The following SORCS3 variants were observed in gnomAD, a reference collection of about 807,000 sequenced individuals.
SORCS3 encodes the protein VPS10 domain-containing receptor SorCS3.
Under a neutral mutation model 146.3 loss-of-function variants are expected in SORCS3, and 57 were observed. That is an observed-to-expected ratio of 0.39 (90% CI 0.31 to 0.49). The LOEUF (loss-of-function observed/expected upper bound fraction) is 0.49. Ranked by LOEUF, SORCS3 falls within the 20% of genes least tolerant of loss-of-function variation. SORCS3 has a pLI of 0.92. For missense variants in SORCS3, 1,341 were observed against 1,575.5 expected, an observed-to-expected ratio of 0.85 and a Z score of 2.52; for synonymous variants, 653 against 618.5, an observed-to-expected ratio of 1.06 and a Z score of -0.83.
At chr10:104,923,448 G>T (rs58736483) in intron 3 of SORCS3, among the ~76,000 whole-genome samples, 1 of 152,294 alleles carries the variant, frequency 6.6e-6, no homozygotes, top group East Asian at 1.9e-4. Flanking sequence ...TGGTCAAAAG[G>T]TGGGTCCCTG....
chr10:104,884,899 CCTGGACTAGTTATT>C (rs1180970122), intron 2 of SORCS3, among the ~76,000 whole-genome samples: 1 of 151,936 alleles, frequency 6.6e-6, no homozygotes, highest in Non-Finnish European at 1.5e-5. Flanking sequence ...TCCTAGTGGA[CCTGGACTAGTTATT>C]CTGCCCAGAG....
In SORCS3 at chr10:104,696,493, T is replaced by TAATATAG. The variant is rs1229175625; in HGVS notation, c.627+54545_627+54546insGAATATA. On this transcript the variant is annotated intron_variant, in intron 1 of 26. Coordinates refer to ENST00000369701, the MANE Select transcript of SORCS3 (RefSeq NM_014978.3). Reference sequence around the variant, plus strand: ...TATAGAATATAGAATATATAATATATAATATATATAATATATAATATATAA... The same window carrying TAATATAG: ...TATAGAATATAGAATATATAATATATAATATAGAATATATATAATATATAATATATAA... Among the ~76,000 whole-genome samples, 40 of 55,620 alleles carry TAATATAG rather than the reference T, an allele frequency of 7.2e-4. 1 individual carries two copies. Among genetic ancestry groups the TAATATAG allele is most frequent in the Non-Finnish European group, 1.1e-3 (33 of 29,642 alleles). The allele number at this position is 55,620 out of a possible 152,430, so 36.5% of individuals were successfully genotyped here. A position where few individuals can be genotyped will look rare whatever the true frequency, so the allele number is the denominator to read the frequency against.
intron 5 of SORCS3, among the ~76,000 whole-genome samples, chr10:105,052,280 T>C (rs574620170): frequency 6.6e-6 from 1 of 152,234 alleles, no homozygotes; most frequent in South Asian, 2.1e-4. Context: ...TAATCCAGTG[T>C]AGCAAAAATT....
intron 3 of SORCS3, among the ~76,000 whole-genome samples, chr10:104,919,684 C>T (rs928262357): frequency 2.0e-5 from 3 of 151,398 alleles, no homozygotes; most frequent in Admixed American, 1.3e-4. Flanking sequence ...AGTGAAACTC[C>T]GTCTGAAGAA....
At chr10:105,131,003 G>A (rs1055424081) in intron 7 of SORCS3, among the ~76,000 whole-genome samples, 7 of 152,094 alleles carry the variant, frequency 4.6e-5, no homozygotes, top group South Asian at 2.1e-4. Context: ...ATTCATCCAC[G>A]CATAAGACTC....
chr10:105,204,368 A>G (rs955652564), intron 16 of SORCS3, among the ~76,000 whole-genome samples: 4 of 152,166 alleles, frequency 2.6e-5, no homozygotes, highest in Non-Finnish European at 2.9e-5. Flanking sequence ...TCAGAAAAAA[A>G]TAAAGTTTCC....
intron 1 of SORCS3, among the ~76,000 whole-genome samples, chr10:104,667,284 TCTC>T (rs2015792233): frequency 1.3e-5 from 2 of 151,864 alleles, no homozygotes; most frequent in African/African-American, 2.4e-5. Flanking sequence ...CCAATACCCT[TCTC>T]CTCAGCTGCT....
At chr10:105,209,648 C>T (rs1589689774) in intron 16 of SORCS3, among the ~76,000 whole-genome samples, 1 of 152,054 alleles carries the variant, frequency 6.6e-6, no homozygotes, top group Non-Finnish European at 1.5e-5. Flanking sequence ...GCAGTGATGG[C>T]CTTCTATGAC....
At chr10:105,257,232 A>G (rs1430780937) in intron 25 of SORCS3, among the ~76,000 whole-genome samples, 1 of 152,206 alleles carries the variant, frequency 6.6e-6, no homozygotes, top group Admixed American at 6.5e-5. Flanking sequence ...CTTCTAAAGT[A>G]AGGTCTTATA....
chr10:105,158,960 C>G lies in SORCS3; in HGVS notation c.1698C>G (p.Ser566Arg). 6.2e-7 allele frequency: 1 copy of G among 1,613,082 alleles called. No individual in the cohort carries two copies. ...CATATTCCTCAGGAAGAATCTCTAG[C>G]AAGGAGACAGCCCCAGGACTTGTGG... ...ENPYSSGRIS[S>R]KETAPGLVVA... Residue 566 changes from serine to arginine, a missense_variant, in exon 11 of 27, where the codon AGC (serine) becomes AGG (arginine). Coordinates refer to ENST00000369701, the MANE Select transcript of SORCS3 (RefSeq NM_014978.3).
intron 5 of SORCS3, among the ~76,000 whole-genome samples, chr10:105,085,051 G>A (rs2055651187): frequency 6.6e-6 from 1 of 152,164 alleles, no homozygotes; most frequent in Non-Finnish European, 1.5e-5. Flanking sequence ...TCTTAACTGG[G>A]TGTGATTCTG....
At chr10:105,143,615 A>T (rs2056110257) in intron 8 of SORCS3, among the ~76,000 whole-genome samples, 1 of 152,176 alleles carries the variant, frequency 6.6e-6, no homozygotes, top group Non-Finnish European at 1.5e-5. Context: ...TACTCTGGTG[A>T]GTATTAGAGA....
chr10:104,964,697 A>AT (rs1314275545), intron 3 of SORCS3, among the ~76,000 whole-genome samples: 1 of 152,090 alleles, frequency 6.6e-6, no homozygotes, highest in South Asian at 2.1e-4. Context: ...TTTTATATTT[A>AT]TTTTTTACTT....
chr10:105,207,991 A>G (rs2056613077), intron 16 of SORCS3, among the ~76,000 whole-genome samples: 2 of 152,176 alleles, frequency 1.3e-5, no homozygotes, highest in South Asian at 4.1e-4. Flanking sequence ...AGAATTTTTG[A>G]TAAGTAGTAA....
chr10:104,650,386 T>C (rs916535451), intron 1 of SORCS3, among the ~76,000 whole-genome samples: 5 of 152,148 alleles, frequency 3.3e-5, no homozygotes, highest in Admixed American at 2.0e-4. Flanking sequence ...GTAAGTGAAT[T>C]GTGTAGGGGT....
At chr10:104,811,552 A>C (rs910443120) in intron 1 of SORCS3, among the ~76,000 whole-genome samples, 2 of 152,248 alleles carry the variant, frequency 1.3e-5, no homozygotes, top group Non-Finnish European at 2.9e-5. Context: ...AGAGCCACAA[A>C]TTTTGCCTAG....
intron 15 of SORCS3, among the ~76,000 whole-genome samples, chr10:105,200,860 G>A (rs545023710): frequency 3.3e-5 from 5 of 152,294 alleles, no homozygotes; most frequent in African/African-American, 1.2e-4. Context: ...TGGAGGTGGA[G>A]CAGAAACGGG....
intron 9 of SORCS3, among the ~76,000 whole-genome samples, chr10:105,148,518 G>C (rs992619495): frequency 1.3e-5 from 2 of 152,142 alleles, no homozygotes; most frequent in Non-Finnish European, 2.9e-5. Context: ...CCTGGACCCA[G>C]TGAAGGAACT....
At chr10:104,998,724 CAGCTGGGTAAT>C (rs1469143832) in intron 4 of SORCS3, among the ~76,000 whole-genome samples, 1 of 152,054 alleles carries the variant, frequency 6.6e-6, no homozygotes, top group Admixed American at 6.6e-5. Context: ...CAGAGGAGGC[CAGCTGGGTAAT>C]AGTTGGCTAA....
Sources: allele counts gnomAD v4.1 joint callset (sites outside exome capture counted in the v4.1 genomes callset), GRCh38; gene constraint gnomAD v4.1.1; transcripts MANE v1.5; gene names NCBI Gene and HGNC (gene_info 2026-07-23, HGNC 2026-07-21).